LEPR: variants seen among roughly 807,000 people sequenced by gnomAD.
The protein encoded by LEPR is leptin receptor.
LEPR carries 56 observed loss-of-function variants against 114.7 expected under a neutral mutation model. The observed-to-expected ratio is 0.49, with a 90% confidence interval of 0.39 to 0.61. LEPR has a LOEUF of 0.61. Ranked by LOEUF, LEPR falls within the 20% of genes least tolerant of loss-of-function variation. The probability of loss-of-function intolerance (pLI) is 0.00; values close to 1 mark genes in which losing one functional copy is unlikely to be tolerated. For missense variants in LEPR, 1,202 were observed against 1,352.9 expected, an observed-to-expected ratio of 0.89 and a Z score of 1.75; for synonymous variants, 443 against 461.4, an observed-to-expected ratio of 0.96 and a Z score of 0.51.
chr1:65,621,512 A>G, intron 18 of LEPR, 54 bp downstream of exon 18: 1 of 1,453,190 alleles, frequency 6.9e-7, no homozygotes, highest in African/African-American at 1.4e-5. Context: ...CGCGTATTCA[A>G]ACCCTGATTT....
chr1:65,637,031 C>T lies in LEPR; in HGVS notation c.*16C>T. The T allele has an allele frequency of 6.2e-7, 1 of 1,610,616 alleles. No homozygotes were observed. The highest frequency in any genetic ancestry group is 8.5e-7 in the Non-Finnish European group (1 of 1,178,676). On this transcript the variant is annotated 3_prime_UTR_variant, in exon 20 of 20. Transcript: ENST00000349533. ...AACTGTGTAATTTCACTGAAGAAACCTTCAGATTTGTGTTATAATGGGTAA... is the reference window on the plus strand; with the variant it reads ...AACTGTGTAATTTCACTGAAGAAACTTTCAGATTTGTGTTATAATGGGTAA...
chr1:65,427,563 AT>A (rs766505572), intron 2 of LEPR, among the ~76,000 whole-genome samples: 179 of 152,278 alleles, frequency 1.2e-3, no homozygotes, highest in Non-Finnish European at 2.1e-3. Flanking sequence ...TGTCTCTTAA[AT>A]AAAAAAGTAG....
chr1:65,463,697 A>G (rs1440886061), intron 2 of LEPR, among the ~76,000 whole-genome samples: 1 of 151,872 alleles, frequency 6.6e-6, no homozygotes, highest in African/African-American at 2.4e-5. Flanking sequence ...CTTTTATTTC[A>G]TTGAGCAGTG....
chr1:65,443,102 G>A lies in LEPR; in HGVS notation c.-21+17724G>A, dbSNP rs1646670117. Among the ~76,000 whole-genome samples the A allele has an allele frequency of 2.6e-5, 4 of 152,044 alleles. No individual in the cohort carries two copies. The South Asian group carries it at 8.3e-4, about 32-fold the overall frequency. ...ATGTAAGTGGCAGAAAGACTGAAAA[G>A]GAATAAACAGATTATTATTTGCATT... On this transcript the variant is annotated intron_variant, in intron 2 of 19. Coordinates refer to ENST00000349533, the MANE Select transcript of LEPR (RefSeq NM_002303.6).
chr1:65,535,405 A>T (rs1650697078), intron 2 of LEPR, among the ~76,000 whole-genome samples: 1 of 151,446 alleles, frequency 6.6e-6, no homozygotes, highest in Non-Finnish European at 1.5e-5. Flanking sequence ...TCGCTCTATC[A>T]CCCAGGCTGA....
chr1:65,546,590 C>A (rs1366281281), intron 2 of LEPR, among the ~76,000 whole-genome samples: 1 of 152,160 alleles, frequency 6.6e-6, no homozygotes, highest in Non-Finnish European at 1.5e-5. Context: ...GGAGTTCACT[C>A]ATGATTTGGC....
chr1:65,616,578 CAT>C (rs908395584), intron 15 of LEPR, among the ~76,000 whole-genome samples: 5 of 151,770 alleles, frequency 3.3e-5, no homozygotes, highest in Non-Finnish European at 1.5e-5. Flanking sequence ...TACATACACA[CAT>C]ATAAATATGT....
intron 2 of LEPR, among the ~76,000 whole-genome samples, chr1:65,455,862 T>C (rs953836026): frequency 4.6e-5 from 7 of 152,194 alleles, no homozygotes; most frequent in African/African-American, 9.6e-5. Flanking sequence ...TGGACAATGG[T>C]GGGCGCCCCT....
intron 2 of LEPR, among the ~76,000 whole-genome samples, chr1:65,452,715 A>G (rs1195995319): frequency 2.6e-5 from 4 of 151,552 alleles, no homozygotes; most frequent in African/African-American, 9.7e-5. Flanking sequence ...ATCAATGTTC[A>G]TCAAGGATAT....
chr1:65,479,270 T>C (rs1284189294), intron 2 of LEPR, among the ~76,000 whole-genome samples: 1 of 151,298 alleles, frequency 6.6e-6, no homozygotes, highest in East Asian at 1.9e-4. Flanking sequence ...CAGGACATAT[T>C]TTTTTTTACA....
chr1:65,513,428 TACTG>T (rs919284699), intron 2 of LEPR, among the ~76,000 whole-genome samples: 7 of 152,166 alleles, frequency 4.6e-5, no homozygotes, highest in East Asian at 3.8e-4. Flanking sequence ...ATGAACAAGA[TACTG>T]ACTATGTCTT....
At chr1:65,585,997 T>A (rs1655288660) in intron 5 of LEPR, among the ~76,000 whole-genome samples, 1 of 152,038 alleles carries the variant, frequency 6.6e-6, no homozygotes, top group African/African-American at 2.4e-5. Context: ...AGTAATTATA[T>A]AATTCTCTAA....
chr1:65,590,571 ACTT>A (rs1355252227), intron 5 of LEPR, among the ~76,000 whole-genome samples: 1 of 150,266 alleles, frequency 6.7e-6, no homozygotes, highest in Non-Finnish European at 1.5e-5. Flanking sequence ...TTCACTCTGT[ACTT>A]CTTGCTGCCA....
At chr1:65,446,931 A>G (rs1489344750) in intron 2 of LEPR, among the ~76,000 whole-genome samples, 3 of 152,212 alleles carry the variant, frequency 2.0e-5, no homozygotes, top group East Asian at 1.9e-4. Context: ...TTCAGGGCTC[A>G]GGTGATCCTC....
At chr1:65,421,308 T>G in intron 1 of LEPR, 1 of 1,512,560 alleles carries the variant, frequency 6.6e-7, no homozygotes, top group East Asian at 2.5e-5. Flanking sequence ...TTCTTCGGTG[T>G]TTTCTCTGTT....
intron 14 of LEPR, among the ~76,000 whole-genome samples, chr1:65,611,669 C>T (rs1366626189): frequency 2.6e-5 from 4 of 152,204 alleles, no homozygotes; most frequent in African/African-American, 9.7e-5. Flanking sequence ...TTTCTCCAGA[C>T]AGTTCTTATG....
At chr1:65,553,819 C>G (rs1014742687) in intron 2 of LEPR, among the ~76,000 whole-genome samples, 1 of 152,094 alleles carries the variant, frequency 6.6e-6, no homozygotes, top group Non-Finnish European at 1.5e-5. Flanking sequence ...TCTTTGTGCT[C>G]GTTTTTCCTC....
chr1:65,587,181 A>T (rs1290850300), intron 5 of LEPR, among the ~76,000 whole-genome samples: 1 of 152,056 alleles, frequency 6.6e-6, no homozygotes. Flanking sequence ...TGCTCAACTT[A>T]GGCAAATATT....
intron 3 of LEPR, among the ~76,000 whole-genome samples, chr1:65,568,609 A>G (rs1442711070): frequency 2.0e-5 from 3 of 151,960 alleles, no homozygotes; most frequent in Admixed American, 2.0e-4. Flanking sequence ...TGACTTTGCT[A>G]TTGTGAATAG....
Sources: allele counts gnomAD v4.1 joint callset (sites outside exome capture counted in the v4.1 genomes callset), GRCh38; gene constraint gnomAD v4.1.1; transcripts MANE v1.5; gene names NCBI Gene and HGNC (gene_info 2026-07-23, HGNC 2026-07-21).